CTNNA3: variants seen among roughly 807,000 people sequenced by gnomAD.
CTNNA3 encodes the protein catenin alpha-3.
A neutral mutation model predicts 95.7 loss-of-function variants in CTNNA3; 76 were observed. The ratio of observed to expected loss-of-function variants is 0.79; its 90% CI spans 0.66 to 0.96. The LOEUF (loss-of-function observed/expected upper bound fraction) is 0.96. Among genes scored for constraint, CTNNA3 ranks in the 40% least tolerant of loss-of-function variants. The probability of loss-of-function intolerance (pLI) is 0.00; values close to 1 mark genes in which losing one functional copy is unlikely to be tolerated. For synonymous variants in CTNNA3, 431 were observed against 374.4 expected, an observed-to-expected ratio of 1.15 and a Z score of -1.74; for missense variants, 1,191 against 1,089.8, an observed-to-expected ratio of 1.09 and a Z score of -1.31.
chr10:66,374,604 GCCTTT>G (rs1385342088), intron 12 of CTNNA3, among the ~76,000 whole-genome samples: 7,704 of 128,812 alleles, frequency 0.06, 498 homozygotes, highest in East Asian at 0.21. Context: ...TGAAAGAAAA[GCCTTT>G]TTTTTTTTTT....
intron 1 of CTNNA3, among the ~76,000 whole-genome samples, chr10:67,713,297 A>T (rs886110869): frequency 1.3e-5 from 2 of 152,214 alleles, no homozygotes; most frequent in African/African-American, 2.4e-5. Context: ...GATGCTGGAG[A>T]GCATGTGGAG....
intron 9 of CTNNA3, among the ~76,000 whole-genome samples, chr10:66,625,315 C>A (rs1156410061): frequency 3.3e-5 from 5 of 152,094 alleles, no homozygotes; most frequent in Admixed American, 2.6e-4. Flanking sequence ...GAATGCCTAG[C>A]CAGACAATTC....
At chr10:67,720,180 T>A (rs1841171881) in intron 1 of CTNNA3, among the ~76,000 whole-genome samples, 1 of 135,350 alleles carries the variant, frequency 7.4e-6, no homozygotes. Context: ...TAAATATTCC[T>A]CCATCCCTTT....
chr10:67,433,795 A>ATATATT (rs1846207280), intron 5 of CTNNA3, among the ~76,000 whole-genome samples: 2 of 152,048 alleles, frequency 1.3e-5, no homozygotes, highest in African/African-American at 4.8e-5. Context: ...TTCCTTAGAC[A>ATATATT]CCACTTCGCA....
chr10:66,006,030 C>T (rs1187418487), intron 15 of CTNNA3, among the ~76,000 whole-genome samples: 7 of 122,460 alleles, frequency 5.7e-5, no homozygotes, highest in East Asian at 2.2e-4. Flanking sequence ...TTTTTTTTTC[C>T]GAGAGGGAGT....
At chr10:67,646,959 T>G (rs1437906154) in intron 2 of CTNNA3, among the ~76,000 whole-genome samples, 1 of 151,884 alleles carries the variant, frequency 6.6e-6, no homozygotes, top group Non-Finnish European at 1.5e-5. Flanking sequence ...TTCTCATACA[T>G]TTTAGTATTT....
At chr10:67,141,494 G>A (rs10822982) in intron 7 of CTNNA3, among the ~76,000 whole-genome samples, 80,015 of 151,970 alleles carry the variant, frequency 0.53, 21,266 homozygotes, top group Middle Eastern at 0.65. Flanking sequence ...GGTAATACCC[G>A]CATTATGTGA....
At chr10:65,942,806 A>AC (rs1192338655) in intron 17 of CTNNA3, among the ~76,000 whole-genome samples, 1 of 146,610 alleles carries the variant, frequency 6.8e-6, no homozygotes, top group Non-Finnish European at 1.5e-5. Flanking sequence ...AGGCTCTGGA[A>AC]TAAAAAAACC....
In CTNNA3 at chr10:66,126,856, C is replaced by T. The variant is rs529931946; in HGVS notation, c.1885-23607G>A. 2.0e-5 allele frequency among the ~76,000 whole-genome samples: 3 copies of T among 152,170 alleles called. No homozygotes were observed. In the South Asian group the frequency reaches 6.2e-4, roughly 32 times the overall value. ...TACAAATATACCCTGAAAAGCAATT[C>T]CAAGTAAATTCCAAATAATTCCAAA... is the stretch of plus-strand genomic sequence containing the variant. On this transcript the variant is annotated intron_variant, in intron 13 of 17. Transcript: ENST00000433211.
At chr10:66,399,381 G>GA (rs200142902) in intron 11 of CTNNA3, among the ~76,000 whole-genome samples, 81 of 151,528 alleles carry the variant, frequency 5.3e-4, no homozygotes, top group African/African-American at 1.9e-3. Flanking sequence ...TATTTTAACA[G>GA]AAAAAAACCA....
At chr10:66,311,632 A>G (rs10997053) in intron 12 of CTNNA3, among the ~76,000 whole-genome samples, 11,867 of 152,252 alleles carry the variant, frequency 0.078, 516 homozygotes, top group Middle Eastern at 0.14. Flanking sequence ...TGTGTATTCA[A>G]CCTGCAATGG....
intron 10 of CTNNA3, among the ~76,000 whole-genome samples, chr10:66,536,981 T>A (rs1841681448): frequency 6.6e-6 from 1 of 151,990 alleles, no homozygotes; most frequent in Non-Finnish European, 1.5e-5. Context: ...CTGGGTCAAC[T>A]GTGAAATAGC....
chr10:66,492,846 A>G (rs1839970804), intron 11 of CTNNA3, among the ~76,000 whole-genome samples: 1 of 152,156 alleles, frequency 6.6e-6, no homozygotes, highest in African/African-American at 2.4e-5. Flanking sequence ...TAGTTTAAAG[A>G]TCATTCTCCT....
intron 7 of CTNNA3, among the ~76,000 whole-genome samples, chr10:67,108,969 A>G (rs535183542): frequency 8.5e-5 from 13 of 152,330 alleles, no homozygotes; most frequent in African/African-American, 3.1e-4. Context: ...TATTGAATAA[A>G]CTTAAAGTAA....
At chr10:67,035,837 C>G (rs1439809765) in intron 7 of CTNNA3, among the ~76,000 whole-genome samples, 1 of 152,126 alleles carries the variant, frequency 6.6e-6, no homozygotes, top group East Asian at 1.9e-4. Context: ...CTGCATTTTA[C>G]AAAGAAACTG....
intron 10 of CTNNA3, among the ~76,000 whole-genome samples, chr10:66,551,633 T>C (rs781143791): frequency 7.9e-5 from 12 of 152,132 alleles, no homozygotes; most frequent in Non-Finnish European, 1.6e-4. Context: ...GAATTACGTC[T>C]TGTGTGTGTT....
intron 9 of CTNNA3, among the ~76,000 whole-genome samples, chr10:66,662,838 A>G (rs1248841075): frequency 6.6e-6 from 1 of 152,132 alleles, no homozygotes; most frequent in African/African-American, 2.4e-5. Context: ...AGGAAGGAGA[A>G]AAATGCCTCC....
chr10:67,740,502 A>G (rs897736317), intron 1 of CTNNA3, among the ~76,000 whole-genome samples: 1 of 151,464 alleles, frequency 6.6e-6, no homozygotes, highest in Non-Finnish European at 1.5e-5. Context: ...GGCAAAGGAC[A>G]TGAACAGACA....
chr10:66,639,241 T>C (rs1386476601), intron 9 of CTNNA3, among the ~76,000 whole-genome samples: 1 of 152,162 alleles, frequency 6.6e-6, no homozygotes, highest in Non-Finnish European at 1.5e-5. Context: ...TCCAGTTAAA[T>C]ATTATGAGTT....
Sources: gnomAD v4.1 joint callset for allele counts (sites outside exome capture counted in the v4.1 genomes callset) on GRCh38, gnomAD v4.1.1 for gene constraint, MANE v1.5 for transcripts, NCBI Gene and HGNC (gene_info 2026-07-23, HGNC 2026-07-21) for gene names.